Variants in LSM8 observed in about 807,000 individuals in gnomAD.
LSM8 encodes the protein LSM8 U6 small nuclear RNA associated.
LSM8 carries 14 observed loss-of-function variants against 15.0 expected under a neutral mutation model. That is an observed-to-expected ratio of 0.93 (90% CI 0.62 to 1.46). The LOEUF is 1.46. Among genes scored for constraint, LSM8 ranks in the 40% most tolerant of loss-of-function variants. LSM8 has a pLI of 0.00. For synonymous variants in LSM8, 50 were observed against 42.1 expected, an observed-to-expected ratio of 1.19 and a Z score of -0.73; for missense variants, 90 against 115.4, an observed-to-expected ratio of 0.78 and a Z score of 1.01.
At chr7:118,185,752 T>A in intron 2 of LSM8, 58 bp downstream of exon 2, 18 of 1,484,190 alleles carry the variant, frequency 1.2e-5, no homozygotes, top group Non-Finnish European at 1.7e-5. Flanking sequence ...TTGCAAGTTT[T>A]ATGTGAAACC....
intron 3 of LSM8, 25 bp from the exon 4 acceptor site, chr7:118,191,887 A>G (rs1808988177): frequency 6.5e-7 from 1 of 1,540,706 alleles, no homozygotes; most frequent in Non-Finnish European, 8.9e-7. Flanking sequence ...CAGAAATGTG[A>G]TTGTTTTAAC....
rs1179020310 is a variant in LSM8, at chr7:118,200,831, T to C, written c.*8829T>C. On this transcript the variant is annotated 3_prime_UTR_variant, in exon 4 of 4. Transcript: ENST00000249299. ...CTGAGGTTTGCAATTGCTAATGTTA[T>C]TCTCCCATCCCAGTTTCTACTTGTT... Among the ~76,000 whole-genome samples the C allele has an allele frequency of 4.6e-5, 7 of 152,120 alleles. No homozygotes were observed. Among genetic ancestry groups the C allele is most frequent in the Non-Finnish European group, 1.0e-4 (7 of 67,992 alleles).
In LSM8 at chr7:118,199,574, G is replaced by T. The variant is rs570200420; in HGVS notation, c.*7572G>T. ...ATAAATTTATGGAAAGGAAATTTTG[G>T]AATGGTGATTCTAACCTTTAAGGTT... On this transcript the variant is annotated 3_prime_UTR_variant, in exon 4 of 4. Transcript: ENST00000249299. 1.3e-5 allele frequency among the ~76,000 whole-genome samples: 2 copies of T among 152,244 alleles called. No individual in the cohort carries two copies. Among genetic ancestry groups the T allele is most frequent in the Admixed American group, 1.3e-4 (2 of 15,270 alleles).
In LSM8 at chr7:118,196,013, G is replaced by A. The variant is rs1402747584; in HGVS notation, c.*4011G>A. Reference sequence around the variant, plus strand: ...GCTTTGATGTGATCTTCATTCCTCTGTATAGTGGGAAACCATGAGACGTGC... The same window carrying A: ...GCTTTGATGTGATCTTCATTCCTCTATATAGTGGGAAACCATGAGACGTGC... On this transcript the variant is annotated 3_prime_UTR_variant, in exon 4 of 4. Coordinates refer to ENST00000249299, the MANE Select transcript of LSM8 (RefSeq NM_016200.5). Among the ~76,000 whole-genome samples the A allele has an allele frequency of 1.3e-5, 2 of 152,152 alleles. No individual in the cohort carries two copies. Among genetic ancestry groups the A allele is most frequent in the Non-Finnish European group, 2.9e-5 (2 of 68,032 alleles).
Position 118,192,961 on chromosome 7 carries a change from A to G in LSM8, c.*959A>G, listed in dbSNP as rs559188737. 1.3e-5 allele frequency: 2 copies of G among 152,308 alleles called. No individual in the cohort carries two copies. The highest frequency in any genetic ancestry group is 2.1e-4 in the South Asian group (1 of 4,834). 9.4% of individuals were successfully genotyped at this position (152,308 alleles called of 1,614,324 possible). A position where few individuals can be genotyped will look rare whatever the true frequency, so the allele number is the denominator to read the frequency against. The stretch of plus-strand genomic sequence containing the variant: ...AGTGTTTAGATATTCAGGCTAGTCC[A>G]TAAAATTTCTGATCAACTCATGTAT... On this transcript the variant is annotated 3_prime_UTR_variant, in exon 4 of 4. Coordinates refer to ENST00000249299, the MANE Select transcript of LSM8 (RefSeq NM_016200.5).
chr7:118,189,772 A>C (rs1808948404), intron 3 of LSM8: 1 of 152,162 alleles, frequency 6.6e-6, no homozygotes, highest in Non-Finnish European at 1.5e-5. Flanking sequence ...GAGGCAGAAG[A>C]ATTTCTTGAA....
Position 118,202,291 on chromosome 7 carries a change from ACT to A in LSM8, c.*10292_*10293del, listed in dbSNP as rs749648796. 1.3e-4 allele frequency among the ~76,000 whole-genome samples: 19 copies of A among 151,944 alleles called. No individual in the cohort carries two copies. The highest frequency in any genetic ancestry group is 2.2e-4 in the Non-Finnish European group (15 of 67,934). On this transcript the variant is annotated 3_prime_UTR_variant, in exon 4 of 4. Transcript: ENST00000249299. ...TGGTATTTGGCTATAAGCACTGGAA[ACT>A]CTGACTGCCAGTGGCTTTAACAGGC...
rs548033371 is a variant in LSM8 at position 118,198,741 on chromosome 7, A to G, written c.*6739A>G. Among the ~76,000 whole-genome samples the G allele has an allele frequency of 1.4e-4, 21 of 152,320 alleles. No individual in the cohort carries two copies. The highest frequency in any genetic ancestry group is 2.4e-4 in the Non-Finnish European group (16 of 68,026). On this transcript the variant is annotated 3_prime_UTR_variant, in exon 4 of 4. Transcript: ENST00000249299. The stretch of plus-strand genomic sequence containing the variant: ...GAGTAGACTGACCTCTCTGTACAGT[A>G]AAGGCTCAAATCCTTTTTATTGCAA...
chr7:118,185,814 A>G (rs1808879918), intron 2 of LSM8, 120 bp downstream of exon 2: 2 of 834,938 alleles, frequency 2.4e-6, no homozygotes, highest in South Asian at 1.7e-5. Context: ...CAATTTTATT[A>G]TAATTCAGCT....
At position 118,198,761 on chromosome 7, in the gene LSM8, T is replaced by C. The variant is rs1346428978; in HGVS notation, c.*6759T>C. On this transcript the variant is annotated 3_prime_UTR_variant, in exon 4 of 4. Transcript: ENST00000249299. ...ACAGTAAAGGCTCAAATCCTTTTTA[T>C]TGCAAAGAAAGGACCTGTCCTTCAC... Among the ~76,000 whole-genome samples the C allele has an allele frequency of 6.6e-6, 1 of 152,194 alleles. No individual in the cohort carries two copies. The highest frequency in any genetic ancestry group is 1.5e-5 in the Non-Finnish European group (1 of 68,044).
chr7:118,196,938 A>G lies in LSM8; in HGVS notation c.*4936A>G, dbSNP rs1562864253. ...GAGACGGGGTTTCACCATGTTGGCC[A>G]GGATGGTCTTGATCTCCTGACCTCG... On this transcript the variant is annotated 3_prime_UTR_variant, in exon 4 of 4. Transcript: ENST00000249299. Among the ~76,000 whole-genome samples the G allele has an allele frequency of 2.0e-5, 3 of 151,816 alleles. No homozygotes were observed. In the East Asian group the frequency reaches 5.8e-4, roughly 29 times the overall value.
At position 118,188,353 on chromosome 7, in the gene LSM8, C is replaced by T; in HGVS notation, c.148C>T (p.Gln50Ter). 6.2e-7 allele frequency: 1 copy of T among 1,613,274 alleles called. No homozygotes were observed. The highest frequency in any genetic ancestry group is 8.5e-7 in the Non-Finnish European group (1 of 1,179,288). ...CCATGAACGAGTATTCAGCTCTTCA[C>T]AGGGGGTAGAACAAGTGGTACTAGG... ...ESHERVFSSS[Q>*]GVEQVVLGLY... The change falls in exon 3 of 4, where the codon CAG becomes TAG. Residue 50 changes from glutamine to a stop codon, truncating the protein, a stop_gained. Transcript: ENST00000249299. LOFTEE classifies it high-confidence loss of function.
chr7:118,191,136 A>C (rs1808974685), intron 3 of LSM8: 2 of 152,120 alleles, frequency 1.3e-5, no homozygotes, highest in South Asian at 4.1e-4. Context: ...TACTCTCATT[A>C]AAACCAAACA....
rs1338021553 is a variant in LSM8 at position 118,198,264 on chromosome 7, AGATAAAT to A, written c.*6265_*6271del. Reference sequence around the variant, plus strand: ...AAGGTTAGATTTCTTTGGTGTGAAAAGATAAATGAGAAATGAGAATATGCCAGAGATC... The same window carrying A: ...AAGGTTAGATTTCTTTGGTGTGAAAAGAGAAATGAGAATATGCCAGAGATC... On this transcript the variant is annotated 3_prime_UTR_variant, in exon 4 of 4. Coordinates refer to ENST00000249299, the MANE Select transcript of LSM8 (RefSeq NM_016200.5). Among the ~76,000 whole-genome samples the A allele has an allele frequency of 6.6e-6, 1 of 152,204 alleles. No homozygotes were observed. Among genetic ancestry groups the A allele is most frequent in the African/African-American group, 2.4e-5 (1 of 41,462 alleles).
At chr7:118,189,060 G>A (rs1161937538) in intron 3 of LSM8, 2 of 152,066 alleles carry the variant, frequency 1.3e-5, no homozygotes, top group African/African-American at 2.4e-5. Flanking sequence ...AGGAGTTCAA[G>A]ACCGGCCTCG....
At position 118,200,536 on chromosome 7, in the gene LSM8, C is replaced by A. The variant is rs1312160147; in HGVS notation, c.*8534C>A. ...CACGTTGAAATTACTTTAATATTTT[C>A]ATTTATGTTTATACTATTTATTTAA... On this transcript the variant is annotated 3_prime_UTR_variant, in exon 4 of 4. Coordinates refer to ENST00000249299, the MANE Select transcript of LSM8 (RefSeq NM_016200.5). 6.6e-6 allele frequency among the ~76,000 whole-genome samples: 1 copy of A among 152,050 alleles called. No homozygotes were observed.
At chr7:118,191,747 C>T (rs1808985434) in intron 3 of LSM8, 165 bp from the exon 4 acceptor site, 3 of 563,152 alleles carry the variant, frequency 5.3e-6, no homozygotes, top group East Asian at 3.0e-5. Flanking sequence ...AGTTCACTGA[C>T]TCACGCCAAT....
chr7:118,192,239 G>T lies in LSM8; in HGVS notation c.*237G>T. 1 of 319,656 alleles carries T rather than the reference G, an allele frequency of 3.1e-6. No individual in the cohort carries two copies. The highest frequency in any genetic ancestry group is 5.7e-6 in the Non-Finnish European group (1 of 176,172). The allele number at this position is 319,656 out of a possible 1,614,324, so 19.8% of individuals were successfully genotyped here. A position where few individuals can be genotyped will look rare whatever the true frequency, so the allele number is the denominator to read the frequency against. On this transcript the variant is annotated 3_prime_UTR_variant, in exon 4 of 4. Coordinates refer to ENST00000249299, the MANE Select transcript of LSM8 (RefSeq NM_016200.5). The stretch of plus-strand genomic sequence containing the variant: ...ATTAAATAGTGTGAAAATATAATGG[G>T]CATTTTGAAAACTTTTAGAAAAAAG...
rs771525197 is a variant in LSM8 at position 118,184,247 on chromosome 7, C to T, written c.24C>T (p.Tyr8=). The T allele has an allele frequency of 6.7e-5, 102 of 1,525,076 alleles. No homozygotes were observed. Among genetic ancestry groups the T allele is most frequent in the Non-Finnish European group, 8.7e-5 (99 of 1,131,802 alleles). The allele number at this position is 1,525,076 out of a possible 1,614,324, so 94.5% of individuals were successfully genotyped here. Residue 8 remains tyrosine (Y), a synonymous_variant, in exon 1 of 4, where the codon TAC becomes TAT. Transcript: ENST00000249299. ...GCATGACGTCCGCTTTGGAGAACTACATCAACCGTATCCTCAAGCTGGCCG... is the reference window on the plus strand; with the variant it reads ...GCATGACGTCCGCTTTGGAGAACTATATCAACCGTATCCTCAAGCTGGCCG... The part of the protein sequence containing the change: MTSALEN[Y]INRTVAVITS...
Sources: allele counts gnomAD v4.1 joint callset (sites outside exome capture counted in the v4.1 genomes callset), GRCh38; gene constraint gnomAD v4.1.1; transcripts MANE v1.5; gene names NCBI Gene and HGNC (gene_info 2026-07-23, HGNC 2026-07-21).